The following ANKRD11 variants were observed in gnomAD, a reference collection of about 807,000 sequenced individuals.
ANKRD11 encodes ankyrin repeat domain-containing protein 11.
A neutral mutation model predicts 195.7 loss-of-function variants in ANKRD11; 17 were observed. The observed-to-expected ratio is 0.09, with a 90% CI of 0.06 to 0.13. ANKRD11 has a LOEUF of 0.13. Ranked by LOEUF, ANKRD11 falls within the 10% of genes least tolerant of loss-of-function variation. The pLI is 1.00. For synonymous variants in ANKRD11, 1,953 were observed against 1,528.1 expected, an observed-to-expected ratio of 1.28 and a Z score of -6.49; for missense variants, 3,735 against 3,566.1, an observed-to-expected ratio of 1.05 and a Z score of -1.21.
Position 89,280,181 on chromosome 16 carries a change from C to A in ANKRD11, c.6361G>T (p.Ala2121Ser), listed in dbSNP as rs769555121. 6.2e-7 allele frequency: 1 copy of A among 1,609,198 alleles called. No individual in the cohort carries two copies. Among genetic ancestry groups the A allele is most frequent in the Non-Finnish European group, 8.5e-7 (1 of 1,179,072 alleles). The stretch of plus-strand genomic sequence containing the variant: ...TCCTCGGGGCCGGCGAAGGCGTCCG[C>A]CCAGGGCACCGGCTCCACCTGGCCG... ...HLGQVEPVPW[A>S]DAFAGPEDDL... is the part of the protein sequence containing the mutation. Residue 2121 changes from alanine (A) to serine (S), a missense_variant, in exon 9 of 13, where the codon GCG (alanine) becomes TCG (serine). Physicochemically the swap from Ala to Ser is moderately conservative, Grantham distance 99. Coordinates refer to ENST00000301030, the MANE Select transcript of ANKRD11 (RefSeq NM_013275.6).
intron 1 of ANKRD11, among the ~76,000 whole-genome samples, chr16:89,475,302 T>G (rs142813024): frequency 1.3e-5 from 2 of 152,300 alleles, no homozygotes; most frequent in Non-Finnish European, 2.9e-5. Flanking sequence ...TGAGGCTCCG[T>G]GGCCAAGCTG....
chr16:89,485,435 T>C (rs1224349695), intron 1 of ANKRD11, among the ~76,000 whole-genome samples: 1 of 151,894 alleles, frequency 6.6e-6, no homozygotes, highest in Admixed American at 6.6e-5. Flanking sequence ...CAGAGGTTGC[T>C]ATGACCCAAG....
intron 1 of ANKRD11, among the ~76,000 whole-genome samples, chr16:89,431,878 C>G (rs957466884): frequency 6.6e-6 from 1 of 152,122 alleles, no homozygotes; most frequent in Non-Finnish European, 1.5e-5. Context: ...TTCCTGTATC[C>G]CCTGCCTTGC....
At position 89,279,013 on chromosome 16, in the gene ANKRD11, G is replaced by A. The variant is rs759160535; in HGVS notation, c.7470+59C>T. On this transcript the variant is annotated intron_variant, in intron 9 of 12. Coordinates refer to ENST00000301030, the MANE Select transcript of ANKRD11 (RefSeq NM_013275.6). This position sits in a 1 kb window ranked among gnomAD's most constrained non-coding sequence, Gnocchi z 5.6. The stretch of plus-strand genomic sequence containing the variant: ...GACGGGCTGGAGGAAGCCGTGACTA[G>A]GGGCCCCAGACGCATCCCAGAGAGA... 6.2e-6 allele frequency: 10 copies of A among 1,603,088 alleles called. No homozygotes were observed. The highest frequency in any genetic ancestry group is 2.7e-5 in the African/African-American group (2 of 74,570).
intron 1 of ANKRD11, among the ~76,000 whole-genome samples, chr16:89,477,286 A>G (rs1294539597): frequency 6.8e-6 from 1 of 147,162 alleles, no homozygotes; most frequent in African/African-American, 2.5e-5. Flanking sequence ...TCCACCTCCC[A>G]TGTTCAAGCG....
At chr16:89,332,453 C>T (rs1428484920) in intron 2 of ANKRD11, among the ~76,000 whole-genome samples, 2 of 152,156 alleles carry the variant, frequency 1.3e-5, no homozygotes, top group African/African-American at 2.4e-5. Flanking sequence ...AGCACCTGTA[C>T]CCGCAGCTCT....
chr16:89,312,759 G>A (rs2036680806), intron 3 of ANKRD11, among the ~76,000 whole-genome samples: 2 of 152,226 alleles, frequency 1.3e-5, no homozygotes, highest in African/African-American at 4.8e-5. Flanking sequence ...GCTCTGTTCT[G>A]AGTACAGACC....
chr16:89,434,343 G>A (rs1011528273), intron 1 of ANKRD11, among the ~76,000 whole-genome samples: 3 of 152,124 alleles, frequency 2.0e-5, no homozygotes, highest in Admixed American at 6.5e-5. Flanking sequence ...TACAGTTGTC[G>A]AAATAATGAC....
chr16:89,314,662 A>T (rs890144876), intron 3 of ANKRD11, among the ~76,000 whole-genome samples: 1 of 152,058 alleles, frequency 6.6e-6, no homozygotes, highest in Non-Finnish European at 1.5e-5. Flanking sequence ...CTCAATAAGC[A>T]TATCTGAGAC....
rs145117824 is a variant in ANKRD11 at position 89,391,536 on chromosome 16, C to T, written c.-60+26748G>A. On this transcript the variant is annotated intron_variant, in intron 2 of 12. Transcript: ENST00000301030. ...ACGTCTTTTGCGTTTTCTGTGTTGA[C>T]TGTCGCTGTGGCATGAGAGCAAAGG... is the stretch of plus-strand genomic sequence containing the variant. Among the ~76,000 whole-genome samples, 365 of 152,344 alleles carry T rather than the reference C, an allele frequency of 2.4e-3. 2 individuals are homozygous for T. The highest frequency in any genetic ancestry group is 8.2e-3 in the African/African-American group (340 of 41,574).
chr16:89,476,254 G>A (rs2057253985), intron 1 of ANKRD11, among the ~76,000 whole-genome samples: 1 of 151,946 alleles, frequency 6.6e-6, no homozygotes, highest in Non-Finnish European at 1.5e-5. Context: ...GCCTATCTTT[G>A]ACATCCCTAA....
rs1445094060 is a variant in ANKRD11 at position 89,279,017 on chromosome 16, C to A, written c.7470+55G>T. The A allele has an allele frequency of 6.2e-7, 1 of 1,605,132 alleles. No individual in the cohort carries two copies. The highest frequency in any genetic ancestry group is 1.1e-5 in the South Asian group (1 of 89,798). ...GGCTGGAGGAAGCCGTGACTAGGGG[C>A]CCCAGACGCATCCCAGAGAGAGAAG... On this transcript the variant is annotated intron_variant, in intron 9 of 12. Transcript: ENST00000301030. The surrounding 1 kb of genome is among the most constrained non-coding windows in gnomAD (Gnocchi z 5.6).
At chr16:89,468,031 T>C (rs938724467) in intron 1 of ANKRD11, among the ~76,000 whole-genome samples, 4 of 152,168 alleles carry the variant, frequency 2.6e-5, no homozygotes, top group African/African-American at 9.7e-5. Context: ...CTTGAACTCC[T>C]GGCCTCAAGT....
At chr16:89,409,060 G>C (rs955146642) in intron 2 of ANKRD11, among the ~76,000 whole-genome samples, 1 of 152,186 alleles carries the variant, frequency 6.6e-6, no homozygotes, top group Non-Finnish European at 1.5e-5. Flanking sequence ...AAAGCCACCT[G>C]CACAAAAGGC....
intron 1 of ANKRD11, among the ~76,000 whole-genome samples, chr16:89,430,530 A>G (rs976569285): frequency 6.0e-5 from 9 of 149,504 alleles, no homozygotes; most frequent in South Asian, 2.2e-4. Flanking sequence ...CTCAACTCTC[A>G]CGCTCAGACG....
chr16:89,476,049 C>A (rs1278358420), intron 1 of ANKRD11, among the ~76,000 whole-genome samples: 6 of 142,310 alleles, frequency 4.2e-5, no homozygotes, highest in African/African-American at 2.6e-5. Flanking sequence ...GAGACTGTGT[C>A]TCAAAAAAAA....
At chr16:89,275,354 G>C (rs973237983) in intron 9 of ANKRD11, among the ~76,000 whole-genome samples, 163 bp from the exon 10 acceptor site, 4 of 152,366 alleles carry the variant, frequency 2.6e-5, no homozygotes, top group African/African-American at 9.6e-5. Context: ...GAAGCTTCTA[G>C]AAACCACTAT....
intron 1 of ANKRD11, among the ~76,000 whole-genome samples, chr16:89,441,778 A>C (rs1353490952): frequency 3.8e-4 from 39 of 103,960 alleles, no homozygotes; most frequent in Admixed American, 2.6e-3. Context: ...AAAAAAAAAA[A>C]AAAAAAAAAA....
At chr16:89,358,745 C>A (rs2039599155) in intron 2 of ANKRD11, among the ~76,000 whole-genome samples, 1 of 152,208 alleles carries the variant, frequency 6.6e-6, no homozygotes, top group African/African-American at 2.4e-5. Context: ...GCACCCAGCC[C>A]TAGATAACCC....
Sources: gnomAD v4.1 joint callset for allele counts (sites outside exome capture counted in the v4.1 genomes callset) on GRCh38, gnomAD v4.1.1 for gene constraint, Gnocchi (gnomAD v3.1) non-coding constraint, MANE v1.5 for transcripts, NCBI Gene and HGNC (gene_info 2026-07-23, HGNC 2026-07-21) for gene names.